Variants in DEPTOR observed in about 807,000 individuals in gnomAD.
DEPTOR encodes DEP domain-containing mTOR-interacting protein.
Under a neutral mutation model 41.6 loss-of-function variants are expected in DEPTOR, and 41 were observed. The ratio of observed to expected loss-of-function variants is 0.98; its 90% CI spans 0.77 to 1.28. DEPTOR has a LOEUF of 1.28. Ranked by LOEUF, DEPTOR falls within the 50% of genes most tolerant of loss-of-function variation. The pLI is 0.00. For missense variants in DEPTOR, 514 were observed against 527.9 expected (o/e 0.97, Z 0.26); for synonymous variants, 195 against 192.3 (o/e 1.01, Z -0.12).
intron 8 of DEPTOR, among the ~76,000 whole-genome samples, chr8:120,023,824 G>C (rs1812759096): frequency 6.7e-6 from 1 of 149,938 alleles, no homozygotes; most frequent in Admixed American, 6.7e-5. Flanking sequence ...ACTTTGCTTG[G>C]CTTCCATTCC....
chr8:119,916,654 G>T (rs1382739928), intron 1 of DEPTOR, among the ~76,000 whole-genome samples: 1 of 152,210 alleles, frequency 6.6e-6, no homozygotes, highest in African/African-American at 2.4e-5. Flanking sequence ...TCAGCCCATT[G>T]CTTATATACA....
intron 3 of DEPTOR, among the ~76,000 whole-genome samples, chr8:119,957,203 G>T (rs1410232738): frequency 6.6e-6 from 1 of 152,140 alleles, no homozygotes; most frequent in African/African-American, 2.4e-5. Context: ...GTTGTTTTTA[G>T]TATATACTTG....
At chr8:119,881,846 C>G (rs1261128133) in intron 1 of DEPTOR, among the ~76,000 whole-genome samples, 11 of 152,056 alleles carry the variant, frequency 7.2e-5, no homozygotes, top group Admixed American at 7.2e-4. Context: ...AGTCAATGGT[C>G]AAGAGCCTAA....
intron 1 of DEPTOR, among the ~76,000 whole-genome samples, chr8:119,894,220 G>A (rs1827485496): frequency 6.6e-6 from 1 of 151,584 alleles, no homozygotes; most frequent in African/African-American, 2.4e-5. Flanking sequence ...ACCACACCCA[G>A]CTAATTAAAA....
chr8:119,942,143 A>G (rs1828212032), intron 3 of DEPTOR, among the ~76,000 whole-genome samples: 1 of 152,130 alleles, frequency 6.6e-6, no homozygotes, highest in South Asian at 2.1e-4. Flanking sequence ...CTAGATTGTC[A>G]TCTGCAGATT....
intron 8 of DEPTOR, among the ~76,000 whole-genome samples, chr8:120,038,037 C>T (rs182231453): frequency 2.9e-3 from 444 of 152,066 alleles, no homozygotes; most frequent in African/African-American, 9.6e-3. Context: ...GAGGCCAAGG[C>T]GGGTGGATCG....
At chr8:119,986,401 T>TA (rs541577707) in intron 4 of DEPTOR, among the ~76,000 whole-genome samples, 424 of 152,354 alleles carry the variant, frequency 2.8e-3, no homozygotes, top group Non-Finnish European at 3.1e-3. Context: ...GATCTGCTCT[T>TA]AGTCTGATGG....
intron 8 of DEPTOR, among the ~76,000 whole-genome samples, chr8:120,025,137 G>A (rs7837374): frequency 0.16 from 23,956 of 152,122 alleles, 3,073 homozygotes; most frequent in African/African-American, 0.36. Flanking sequence ...TACAAGCTAC[G>A]TTAATCCACA....
intron 4 of DEPTOR, among the ~76,000 whole-genome samples, chr8:119,973,127 CAG>C (rs1237813272): frequency 6.6e-6 from 1 of 151,666 alleles, no homozygotes; most frequent in East Asian, 1.9e-4. Context: ...TTAGTAGAGA[CAG>C]TGTTTCTCCA....
intron 4 of DEPTOR, among the ~76,000 whole-genome samples, chr8:119,972,021 A>G (rs1170777187): frequency 6.6e-6 from 1 of 152,260 alleles, no homozygotes; most frequent in Non-Finnish European, 1.5e-5. Flanking sequence ...CCAAGTTCCC[A>G]GGTGCTAGCC....
In DEPTOR at chr8:120,009,036, G is replaced by A; in HGVS notation, c.1004G>A (p.Gly335Asp). 2 of 1,614,064 alleles carry A rather than the reference G, an allele frequency of 1.2e-6. No homozygotes were observed. Among genetic ancestry groups the A allele is most frequent in the South Asian group, 1.1e-5 (1 of 91,018 alleles). ...TGTGGTTTTCCTCTCTAGATTGTTG[G>A]TGACGCGGTTGGCTGGGGTTTTGTG... is the stretch of plus-strand genomic sequence containing the variant. ...PYARKTFTIV[G>D]DAVGWGFVVR... The change falls in exon 8 of 9, where the codon GGT becomes GAT. Residue 335 changes from glycine (G) to aspartate (D), a missense_variant. Physicochemically the swap from Gly to Asp is moderately conservative, Grantham distance 94. Transcript: ENST00000286234.
intron 1 of DEPTOR, among the ~76,000 whole-genome samples, chr8:119,881,180 T>G (rs964393265): frequency 3.5e-4 from 53 of 152,234 alleles, no homozygotes; most frequent in African/African-American, 1.2e-3. Context: ...AAATATTGAA[T>G]TGCTTTCCTA....
chr8:119,977,200 G>A (rs1268397734), intron 4 of DEPTOR, among the ~76,000 whole-genome samples: 4 of 151,918 alleles, frequency 2.6e-5, no homozygotes, highest in East Asian at 1.9e-4. Flanking sequence ...ACGGGGTTTC[G>A]CCATGTTGGC....
At chr8:119,923,893 C>CTTTTTTTTTTTTTTTTTTTTTTTTTTT (rs769960283) in intron 1 of DEPTOR, among the ~76,000 whole-genome samples, 3 of 104,980 alleles carry the variant, frequency 2.9e-5, no homozygotes, top group African/African-American at 9.1e-5. Context: ...TTTTTTCTTT[C>CTTTTTTTTTTTTTTTTTTTTTTTTTTT]TTTTTTTTTT....
intron 1 of DEPTOR, among the ~76,000 whole-genome samples, chr8:119,888,852 T>A (rs1191802686): frequency 9.9e-6 from 1 of 101,232 alleles, no homozygotes; most frequent in East Asian, 2.5e-4. Flanking sequence ...CAAGACTCTG[T>A]CTCAGCAAAA....
chr8:120,020,360 C>T (rs1055678479), intron 8 of DEPTOR, among the ~76,000 whole-genome samples: 3 of 152,086 alleles, frequency 2.0e-5, no homozygotes, highest in Non-Finnish European at 2.9e-5. Context: ...GGATTACAGG[C>T]GAGAGACACC....
chr8:119,981,444 C>G (rs1015659269), intron 4 of DEPTOR, among the ~76,000 whole-genome samples: 1 of 151,778 alleles, frequency 6.6e-6, no homozygotes, highest in African/African-American at 2.4e-5. Context: ...TCGTTTGAGG[C>G]CAGGAATTCA....
At chr8:119,981,746 A>T (rs1304825905) in intron 4 of DEPTOR, among the ~76,000 whole-genome samples, 2 of 148,670 alleles carry the variant, frequency 1.3e-5, no homozygotes, top group Admixed American at 6.7e-5. Context: ...GCTGGGCGTG[A>T]TGGCTCATGC....
chr8:120,013,692 C>A lies in DEPTOR; in HGVS notation c.1101+4559C>A, dbSNP rs552109416. On this transcript the variant is annotated intron_variant, in intron 8 of 8. Coordinates refer to ENST00000286234, the MANE Select transcript of DEPTOR (RefSeq NM_022783.4). The stretch of plus-strand genomic sequence containing the variant: ...AGCTGACCTAGGATAGTGTAAAGTG[C>A]CTCAGTGTCCCTTCCTGCACTGAAT... Among the ~76,000 whole-genome samples the A allele has an allele frequency of 3.5e-4, 54 of 152,274 alleles. 1 individual carries two copies. The highest frequency in any genetic ancestry group is 3.3e-3 in the South Asian group (16 of 4,828).
Sources: gnomAD v4.1 joint callset for allele counts (sites outside exome capture counted in the v4.1 genomes callset) on GRCh38, gnomAD v4.1.1 for gene constraint, MANE v1.5 for transcripts, NCBI Gene and HGNC (gene_info 2026-07-23, HGNC 2026-07-21) for gene names.